The following EYS variants were observed in gnomAD, a reference collection of about 807,000 sequenced individuals.
EYS encodes the protein protein eyes shut homolog.
Under a neutral mutation model 282.1 loss-of-function variants are expected in EYS, and 250 were observed. The ratio of observed to expected loss-of-function variants is 0.89; its 90% CI spans 0.80 to 0.98. The LOEUF (loss-of-function observed/expected upper bound fraction) is 0.98. Ranked by LOEUF, EYS falls within the 50% of genes least tolerant of loss-of-function variation. The pLI, the probability that EYS is intolerant of heterozygous loss-of-function variation, is 0.00. For missense variants in EYS, 4,016 were observed against 3,709.0 expected, an observed-to-expected ratio of 1.08 and a Z score of -2.15; for synonymous variants, 1,355 against 1,282.9, an observed-to-expected ratio of 1.06 and a Z score of -1.20.
rs528824271 is a variant in EYS at position 64,439,343 on chromosome 6, C to A, written c.5654G>T (p.Cys1885Phe). The change falls in exon 27 of 43, where the codon TGT (cysteine) becomes TTT (phenylalanine). Residue 1885 changes from cysteine to phenylalanine, a missense_variant. Coordinates refer to ENST00000503581, the MANE Select transcript of EYS (RefSeq NM_001142800.2). ...ATAAGAATCTCCATAATAACGAACACAACTGAAATCTGTGGAGTCAGAAAG... is the reference window on the plus strand; with the variant it reads ...ATAAGAATCTCCATAATAACGAACAAAACTGAAATCTGTGGAGTCAGAAAG... ...PQRLMISDFS[C>F]VRYYGDSYLE... 16 of 1,493,296 alleles carry A rather than the reference C, an allele frequency of 1.1e-5. No homozygotes were observed. In the Admixed American group the frequency reaches 3.0e-4, roughly 28 times the overall value. 92.5% of individuals were successfully genotyped at this position (1,493,296 alleles called of 1,614,324 possible). A position where few individuals can be genotyped will look rare whatever the true frequency, so the allele number is the denominator to read the frequency against.
chr6:64,190,518 T>C (rs1765070942), intron 31 of EYS, among the ~76,000 whole-genome samples: 1 of 152,222 alleles, frequency 6.6e-6, no homozygotes, highest in South Asian at 2.1e-4. Context: ...GCATGGTGCA[T>C]GCCAAACAAA....
intron 13 of EYS, among the ~76,000 whole-genome samples, chr6:65,029,011 T>A (rs1772514973): frequency 6.6e-6 from 1 of 152,150 alleles, no homozygotes; most frequent in Non-Finnish European, 1.5e-5. Flanking sequence ...TATAATACAT[T>A]AACTTTATTA....
chr6:64,627,954 T>C (rs1226132434), intron 22 of EYS, among the ~76,000 whole-genome samples: 2 of 152,010 alleles, frequency 1.3e-5, no homozygotes, highest in African/African-American at 2.4e-5. Flanking sequence ...GTGGCGGGCT[T>C]CTGTAGTCCC....
intron 23 of EYS, among the ~76,000 whole-genome samples, chr6:64,618,785 G>A (rs1375232165): frequency 6.6e-6 from 1 of 152,110 alleles, no homozygotes; most frequent in African/African-American, 2.4e-5. Context: ...CATGTGCTGG[G>A]CTGATTCTGC....
At chr6:64,390,672 GA>G (rs577788721) in intron 28 of EYS, among the ~76,000 whole-genome samples, 1 of 150,046 alleles carries the variant, frequency 6.7e-6, no homozygotes, top group Non-Finnish European at 1.5e-5. Flanking sequence ...CAAAGATGGG[GA>G]AAAAACAGAA....
At chr6:65,224,280 G>A (rs943313741) in intron 12 of EYS, among the ~76,000 whole-genome samples, 1 of 152,052 alleles carries the variant, frequency 6.6e-6, no homozygotes, top group Non-Finnish European at 1.5e-5. Flanking sequence ...TCATAAATAT[G>A]TGAAAATTAA....
intron 28 of EYS, among the ~76,000 whole-genome samples, chr6:64,425,773 A>C (rs1253665838): frequency 6.6e-6 from 1 of 152,080 alleles, no homozygotes; most frequent in Non-Finnish European, 1.5e-5. Flanking sequence ...AAAGGCTTGA[A>C]TATAAAGAGC....
intron 14 of EYS, among the ~76,000 whole-genome samples, chr6:64,995,722 C>CA (rs60329027): frequency 1.3e-5 from 2 of 149,266 alleles, no homozygotes; most frequent in African/African-American, 4.9e-5. Flanking sequence ...GCTTCCCCCC[C>CA]GCCCCATATT....
chr6:65,008,450 A>G (rs2144710), intron 13 of EYS, among the ~76,000 whole-genome samples: 145,290 of 152,110 alleles, frequency 0.96, 69,482 homozygotes, highest in African/African-American at 0.99. Flanking sequence ...CAGGTGGAAC[A>G]GGACAAATGG....
chr6:64,865,006 T>C (rs1286836381), intron 19 of EYS, among the ~76,000 whole-genome samples: 2 of 152,064 alleles, frequency 1.3e-5, no homozygotes, highest in African/African-American at 2.4e-5. Context: ...CACTCCAGCC[T>C]GGGCAACAAG....
chr6:64,006,123 G>A (rs889572534), intron 33 of EYS, among the ~76,000 whole-genome samples: 2 of 152,026 alleles, frequency 1.3e-5, no homozygotes, highest in African/African-American at 4.8e-5. Context: ...TTTACCATTT[G>A]TTTGGGTCAT....
intron 22 of EYS, among the ~76,000 whole-genome samples, chr6:64,791,104 T>C (rs1353071390): frequency 6.6e-6 from 1 of 151,868 alleles, no homozygotes; most frequent in African/African-American, 2.4e-5. Context: ...GCTTTTCTCA[T>C]TCTCCTTTCA....
intron 12 of EYS, among the ~76,000 whole-genome samples, chr6:65,117,057 T>C (rs1775397080): frequency 6.6e-6 from 1 of 152,150 alleles, no homozygotes; most frequent in South Asian, 2.1e-4. Context: ...CAAATGTGAG[T>C]AGGTGATATG....
intron 13 of EYS, 64 bp from the exon 14 acceptor site, chr6:64,997,767 T>A: frequency 6.9e-7 from 1 of 1,443,480 alleles, no homozygotes; most frequent in South Asian, 1.4e-5. Context: ...GTAATTATAA[T>A]TAGTCTAAAA....
chr6:63,999,505 G>C (rs1283917831), intron 33 of EYS, among the ~76,000 whole-genome samples: 1 of 152,176 alleles, frequency 6.6e-6, no homozygotes, highest in African/African-American at 2.4e-5. Context: ...TGCTAACTGT[G>C]GTTGACATAT....
At chr6:65,396,831 T>C (rs1200861616) in intron 7 of EYS, among the ~76,000 whole-genome samples, 1 of 151,926 alleles carries the variant, frequency 6.6e-6, no homozygotes, top group African/African-American at 2.4e-5. Flanking sequence ...AACCACACAT[T>C]CAAAGCAACC....
At chr6:64,031,738 G>C (rs1338454949) in intron 33 of EYS, among the ~76,000 whole-genome samples, 1 of 151,932 alleles carries the variant, frequency 6.6e-6, no homozygotes, top group Non-Finnish European at 1.5e-5. Context: ...GAACTTTTGT[G>C]TGGTGACACG....
chr6:64,234,233 A>G (rs1042682232), intron 30 of EYS, among the ~76,000 whole-genome samples: 1 of 151,384 alleles, frequency 6.6e-6, no homozygotes, highest in South Asian at 2.1e-4. Context: ...AACAAAATGC[A>G]TATATCTCAT....
chr6:64,005,647 A>G lies in EYS; in HGVS notation c.6726-6464T>C, dbSNP rs145427200. ...ATCCATCGTGAGTTGACTTTTATAC[A>G]TAGTGTAAGAAAGGGCTGTAGTTTC... On this transcript the variant is annotated intron_variant, in intron 33 of 42. Transcript: ENST00000503581. Among the ~76,000 whole-genome samples, 1,169 of 152,314 alleles carry G rather than the reference A, an allele frequency of 7.7e-3. 12 individuals are homozygous for G. The highest frequency in any genetic ancestry group is 0.027 in the African/African-American group (1,119 of 41,584).
Sources: allele counts gnomAD v4.1 joint callset (sites outside exome capture counted in the v4.1 genomes callset), GRCh38; gene constraint gnomAD v4.1.1; transcripts MANE v1.5; gene names NCBI Gene and HGNC (gene_info 2026-07-23, HGNC 2026-07-21).